Variants in CAMK2A observed in about 807,000 individuals in gnomAD.
CAMK2A encodes calcium/calmodulin-dependent protein kinase type II subunit alpha.
In CAMK2A, 7 loss-of-function variants were observed where a neutral mutation model predicts 79.2. The observed-to-expected ratio is 0.09, with a 90% CI of 0.05 to 0.17. The LOEUF (loss-of-function observed/expected upper bound fraction) is 0.17, where lower values mean the gene tolerates loss of function less well. CAMK2A is among the 10% of genes least tolerant of loss of function. CAMK2A has a pLI of 1.00. For missense variants in CAMK2A, 214 were observed against 646.4 expected, an observed-to-expected ratio of 0.33 and a Z score of 7.25; for synonymous variants, 242 against 251.7, an observed-to-expected ratio of 0.96 and a Z score of 0.36.
At chr5:150,258,098 G>A (rs1171417582) in intron 3 of CAMK2A, among the ~76,000 whole-genome samples, 2 of 152,236 alleles carry the variant, frequency 1.3e-5, no homozygotes, top group African/African-American at 2.4e-5. Flanking sequence ...TGCTGCCTGA[G>A]CTAATATCCT....
intron 2 of CAMK2A, among the ~76,000 whole-genome samples, chr5:150,267,258 A>C (rs1756551061): frequency 1.4e-5 from 2 of 146,370 alleles, no homozygotes; most frequent in Non-Finnish European, 3.0e-5. Flanking sequence ...GCCCTACCCC[A>C]CGTCCCATAC....
At chr5:150,263,597 TCA>T (rs1204227569) in intron 3 of CAMK2A, among the ~76,000 whole-genome samples, 2 of 151,014 alleles carry the variant, frequency 1.3e-5, no homozygotes, top group Non-Finnish European at 3.0e-5. Context: ...ACACATACAC[TCA>T]CACGCACACA....
chr5:150,236,959 A>G (rs1562145101), intron 15 of CAMK2A, among the ~76,000 whole-genome samples: 1 of 152,138 alleles, frequency 6.6e-6, no homozygotes, highest in Non-Finnish European at 1.5e-5. Context: ...ACACCATCAT[A>G]GGTCACTGCA....
In CAMK2A at chr5:150,245,239, G is replaced by C. The variant is rs749729748; in HGVS notation, c.944-38C>G. On this transcript the variant is annotated intron_variant, in intron 12 of 18. Transcript: ENST00000671881. ...AAAAGTAGAGGGTTAACAACGCCAG[G>C]CAGGGCACCAGGGCCCACAGGGCGA... 5.6e-6 allele frequency: 9 copies of C among 1,606,842 alleles called. No individual in the cohort carries two copies. The Admixed American group carries it at 1.5e-4, about 27-fold the overall frequency.
chr5:150,280,605 T>C (rs1406452731), intron 1 of CAMK2A, among the ~76,000 whole-genome samples: 3 of 152,052 alleles, frequency 2.0e-5, no homozygotes, highest in Admixed American at 6.6e-5. Context: ...ATGGAAGAAA[T>C]GCCTGCGCCA....
chr5:150,253,730 C>T (rs1014985784), intron 6 of CAMK2A, among the ~76,000 whole-genome samples, 184 bp from the exon 7 acceptor site: 1 of 152,242 alleles, frequency 6.6e-6, no homozygotes, highest in East Asian at 1.9e-4. Flanking sequence ...AGGGGACTAT[C>T]CTATGGCAAG....
chr5:150,270,252 A>T (rs542520495), intron 2 of CAMK2A, among the ~76,000 whole-genome samples: 2 of 152,232 alleles, frequency 1.3e-5, no homozygotes, highest in Non-Finnish European at 2.9e-5. Flanking sequence ...ATCCAACTTC[A>T]TGGGTGGAAC....
At chr5:150,259,567 T>G (rs1293740353) in intron 3 of CAMK2A, among the ~76,000 whole-genome samples, 2 of 152,174 alleles carry the variant, frequency 1.3e-5, no homozygotes, top group Non-Finnish European at 2.9e-5. Flanking sequence ...CATTCTTTAA[T>G]GATGATATAT....
At position 150,267,719 on chromosome 5, in the gene CAMK2A, A is replaced by G. The variant is rs1025862625; in HGVS notation, c.158-2704T>C. ...GGGACCATGTTTCTTTTGACCTCCG[A>G]GGCCGTGTTCTGTTATATAGGTGGA... is the stretch of plus-strand genomic sequence containing the variant. On this transcript the variant is annotated intron_variant, in intron 2 of 18. Transcript: ENST00000671881. Among the ~76,000 whole-genome samples the G allele has an allele frequency of 9.9e-5, 15 of 152,066 alleles. 1 individual carries two copies. Among genetic ancestry groups the G allele is most frequent in the Admixed American group, 2.6e-4 (4 of 15,252 alleles).
chr5:150,268,152 A>T (rs1436737449), intron 2 of CAMK2A, among the ~76,000 whole-genome samples: 1 of 152,094 alleles, frequency 6.6e-6, no homozygotes, highest in Non-Finnish European at 1.5e-5. Context: ...TGCTGGGATT[A>T]CCGTGCCCGG....
chr5:150,273,576 AC>A (rs1487510366), intron 1 of CAMK2A, among the ~76,000 whole-genome samples: 1 of 152,142 alleles, frequency 6.6e-6, no homozygotes, highest in African/African-American at 2.4e-5. Flanking sequence ...CCGCCCCTGT[AC>A]TGCAGCCCCT....
At chr5:150,286,744 CA>C (rs1163022517) in intron 1 of CAMK2A, among the ~76,000 whole-genome samples, 31 of 152,290 alleles carry the variant, frequency 2.0e-4, no homozygotes, top group Admixed American at 1.6e-3. Flanking sequence ...AGAGGCCAGC[CA>C]GGGGGGAAGC....
Position 150,252,071 on chromosome 5 carries a change from C to CCCAGACACACAGACAG in CAMK2A, c.515-22_515-7dup, listed in dbSNP as rs1310230696. ...TCCAGGAGTCCCTGCAAACCCTGCTCCCAGACACACAGACAGGCAGACACA... is the reference window on the plus strand; with the variant it reads ...TCCAGGAGTCCCTGCAAACCCTGCTCCCAGACACACAGACAGCCAGACACACAGACAGGCAGACACA... On this transcript the variant is annotated splice_polypyrimidine_tract_variant and splice_region_variant and intron_variant, in intron 7 of 18. Coordinates refer to ENST00000671881, the MANE Select transcript of CAMK2A (RefSeq NM_015981.4). 7.5e-6 allele frequency: 12 copies of CCCAGACACACAGACAG among 1,609,516 alleles called. No homozygotes were observed. The highest frequency in any genetic ancestry group is 9.4e-6 in the Non-Finnish European group (11 of 1,176,148).
At chr5:150,288,095 TCACACATGCA>T (rs1447634971) in intron 1 of CAMK2A, among the ~76,000 whole-genome samples, 1 of 151,900 alleles carries the variant, frequency 6.6e-6, no homozygotes, top group East Asian at 1.9e-4. Flanking sequence ...AGCCCAGGCC[TCACACATGCA>T]CACACATGCG....
At chr5:150,250,070 C>A (rs374506172) in intron 11 of CAMK2A, among the ~76,000 whole-genome samples, 156 bp downstream of exon 11, 3 of 152,224 alleles carry the variant, frequency 2.0e-5, no homozygotes, top group African/African-American at 7.2e-5. Flanking sequence ...CGCTCACTCC[C>A]CAAGCCCAAC....
In CAMK2A at chr5:150,289,689, T is replaced by G; in HGVS notation, c.-64A>C. Reference sequence around the variant, plus strand: ...GACCAGGACTGAGGCGCTGCTGCTCTGCTCCCGAACCTAGGGACCACTTGC... The same window carrying G: ...GACCAGGACTGAGGCGCTGCTGCTCGGCTCCCGAACCTAGGGACCACTTGC... On this transcript the variant is annotated 5_prime_UTR_variant, in exon 1 of 19. Transcript: ENST00000671881. 1 of 1,378,486 alleles carries G rather than the reference T, an allele frequency of 7.3e-7. No homozygotes were observed. Among genetic ancestry groups the G allele is most frequent in the Non-Finnish European group, 1.0e-6 (1 of 975,030 alleles). The allele number at this position is 1,378,486 out of a possible 1,614,324, so 85.4% of individuals were successfully genotyped here.
At chr5:150,242,001 G>A (rs1755366791) in intron 13 of CAMK2A, among the ~76,000 whole-genome samples, 1 of 152,218 alleles carries the variant, frequency 6.6e-6, no homozygotes, top group South Asian at 2.1e-4. Flanking sequence ...ACAGAGCAGA[G>A]ACTGCATCAG....
chr5:150,266,874 G>A (rs192967123), intron 2 of CAMK2A, among the ~76,000 whole-genome samples: 4 of 152,224 alleles, frequency 2.6e-5, no homozygotes, highest in African/African-American at 4.8e-5. Flanking sequence ...GGGTGGGGGG[G>A]TGGTGAGAAT....
intron 3 of CAMK2A, among the ~76,000 whole-genome samples, chr5:150,260,241 G>T (rs1294353552): frequency 1.3e-5 from 2 of 152,104 alleles, no homozygotes; most frequent in Non-Finnish European, 2.9e-5. Flanking sequence ...TGGAACACGA[G>T]GTCAGGAGAT....
Sources: gnomAD v4.1 joint callset for allele counts (sites outside exome capture counted in the v4.1 genomes callset) on GRCh38, gnomAD v4.1.1 for gene constraint, MANE v1.5 for transcripts, NCBI Gene and HGNC (gene_info 2026-07-23, HGNC 2026-07-21) for gene names.